MMP2: variants seen among roughly 807,000 people sequenced by gnomAD.
The protein encoded by MMP2 is 72 kDa type IV collagenase.
A neutral mutation model predicts 74.8 loss-of-function variants in MMP2; 39 were observed. The ratio of observed to expected loss-of-function variants is 0.52; its 90% CI spans 0.40 to 0.68. The LOEUF (loss-of-function observed/expected upper bound fraction) is 0.68, where lower values mean the gene tolerates loss of function less well. Among genes scored for constraint, MMP2 ranks in the 30% least tolerant of loss-of-function variants. The pLI, the probability that MMP2 is intolerant of heterozygous loss-of-function variation, is 0.00. For synonymous variants in MMP2, 367 were observed against 339.8 expected (o/e 1.08, Z -0.88); for missense variants, 803 against 878.3 (o/e 0.91, Z 1.08).
rs756023538 is a variant in MMP2 at position 55,484,099 on chromosome 16, C to A, written c.464C>A (p.Thr155Asn). 2 of 1,614,076 alleles carry A rather than the reference C, an allele frequency of 1.2e-6. No homozygotes were observed. Among genetic ancestry groups the A allele is most frequent in the Non-Finnish European group, 1.7e-6 (2 of 1,180,044 alleles). Residue 155 changes from threonine (T) to asparagine (N), a missense_variant, in exon 3 of 13, where the codon ACC (threonine) becomes AAC (asparagine). Thr to Asn is a moderately conservative substitution (Grantham distance 65). Around this residue, in one of 3 missense-constraint regions of MMP2, gnomAD observed 223 missense variants for 232.8 expected, o/e 0.96. Transcript: ENST00000219070. ...ARAFQVWSDV[T>N]PLRFSRIHDG... is the part of the protein sequence containing the mutation. ...GCCTTCCAAGTCTGGAGCGATGTGA[C>A]CCCACTGCGGTTTTCTCGAATCCAT... is the stretch of plus-strand genomic sequence containing the variant.
At chr16:55,501,889 T>C (rs1245446701) in intron 11 of MMP2, among the ~76,000 whole-genome samples, 4 of 152,086 alleles carry the variant, frequency 2.6e-5, no homozygotes, top group African/African-American at 7.2e-5. Context: ...ATAGCTCCCA[T>C]AGTGGGAGCT....
At chr16:55,502,724 G>C (rs928541898) in intron 11 of MMP2, 55 bp from the exon 12 acceptor site, 7 of 1,506,664 alleles carry the variant, frequency 4.6e-6, no homozygotes, top group South Asian at 4.5e-5. Context: ...CCAGGCCAGG[G>C]GGGAAGTGTC....
intron 1 of MMP2, among the ~76,000 whole-genome samples, chr16:55,482,672 AC>A (rs1962133832): frequency 6.6e-6 from 1 of 152,202 alleles, no homozygotes; most frequent in African/African-American, 2.4e-5. Context: ...TATAGTCAGC[AC>A]CCAGCACCAA....
chr16:55,480,475 C>G (rs1251559715), intron 1 of MMP2: 1 of 152,186 alleles, frequency 6.6e-6, no homozygotes, highest in Non-Finnish European at 1.5e-5. Flanking sequence ...GCGCTCCGCT[C>G]GGGTCGGAGA....
intron 8 of MMP2, 81 bp from the exon 9 acceptor site, chr16:55,493,076 TG>T: frequency 6.5e-7 from 1 of 1,549,422 alleles, no homozygotes; most frequent in Non-Finnish European, 8.9e-7. Flanking sequence ...CTTAGATGGT[TG>T]GGTGGGCACC....
chr16:55,491,817 C>A lies in MMP2; in HGVS notation c.1197C>A (p.Leu399=). The A allele has an allele frequency of 6.2e-7, 1 of 1,614,230 alleles. No individual in the cohort carries two copies. The highest frequency in any genetic ancestry group is 1.1e-5 in the South Asian group (1 of 91,092). ...AACCCTCAGGGTACAGCCTGTTCCT[C>A]GTGGCAGCCCACGAGTTTGGCCACG... ...FCPDQGYSLF[L]VAAHEFGHAM... is the part of the protein sequence containing the mutation. The change falls in exon 8 of 13, where the codon CTC becomes CTA. Residue 399 remains leucine, a synonymous_variant. Transcript: ENST00000219070.
chr16:55,491,998 G>A lies in MMP2; in HGVS notation c.1336+42G>A, dbSNP rs756950593. The A allele has an allele frequency of 2.1e-6, 3 of 1,402,040 alleles. No homozygotes were observed. The African/African-American group carries it at 4.3e-5, about 20-fold the overall frequency. 86.8% of individuals were successfully genotyped at this position (1,402,040 alleles called of 1,614,324 possible). A position where few individuals can be genotyped will look rare whatever the true frequency, so the allele number is the denominator to read the frequency against. On this transcript the variant is annotated intron_variant, in intron 8 of 12. Coordinates refer to ENST00000219070, the MANE Select transcript of MMP2 (RefSeq NM_004530.6). The stretch of plus-strand genomic sequence containing the variant: ...GGGTTGGGGGTGGAGGGTGAGGAGG[G>A]GGGAGGTCATGTAGCCTGGGATGGA...
chr16:55,497,092 C>T (rs1325839036), intron 10 of MMP2, 30 bp downstream of exon 10: 1 of 1,613,608 alleles, frequency 6.2e-7, no homozygotes, highest in Admixed American at 1.7e-5. Flanking sequence ...CCTTGGCCCT[C>T]AGCTCCACAG....
In MMP2 at chr16:55,479,216, C is replaced by T. The variant is rs1001858767; in HGVS notation, c.-264C>T. ...TGTTTCCGCTGCATCCAGACTTCCT[C>T]AGGCGGTGGCTGGAGGCTGCGCATC... On this transcript the variant is annotated 5_prime_UTR_variant, in exon 1 of 13. Coordinates refer to ENST00000219070, the MANE Select transcript of MMP2 (RefSeq NM_004530.6). The T allele has an allele frequency of 3.8e-6, 1 of 264,760 alleles. No individual in the cohort carries two copies. The highest frequency in any genetic ancestry group is 7.0e-6 in the Non-Finnish European group (1 of 142,416). The allele number at this position is 264,760 out of a possible 1,614,324, so 16.4% of individuals were successfully genotyped here.
At chr16:55,494,469 G>C (rs1962487182) in intron 9 of MMP2, among the ~76,000 whole-genome samples, 1 of 152,180 alleles carries the variant, frequency 6.6e-6, no homozygotes, top group Admixed American at 6.5e-5. Flanking sequence ...ACTTTGCTAG[G>C]CTTTAGTAGC....
intron 6 of MMP2, 36 bp from the exon 7 acceptor site, chr16:55,489,615 T>A: frequency 6.2e-7 from 1 of 1,612,398 alleles, no homozygotes; most frequent in Non-Finnish European, 8.5e-7. Flanking sequence ...CCTCAGACTC[T>A]TTGCTGCGCC....
chr16:55,490,496 G>A lies in MMP2; in HGVS notation c.1180+672G>A, dbSNP rs140420421. 9.2e-4 allele frequency among the ~76,000 whole-genome samples: 140 copies of A among 152,258 alleles called. 1 individual carries two copies. Among genetic ancestry groups the A allele is most frequent in the African/African-American group, 3.1e-3 (128 of 41,562 alleles). On this transcript the variant is annotated intron_variant, in intron 7 of 12. Coordinates refer to ENST00000219070, the MANE Select transcript of MMP2 (RefSeq NM_004530.6). Reference sequence around the variant, plus strand: ...GGAGAGAGTGACCAGGAGACAGCTTGTGACCTTACTATGTGCTCAGTGCAG... The same window carrying A: ...GGAGAGAGTGACCAGGAGACAGCTTATGACCTTACTATGTGCTCAGTGCAG...
At chr16:55,500,990 C>A (rs1326996981) in intron 11 of MMP2, among the ~76,000 whole-genome samples, 1 of 152,114 alleles carries the variant, frequency 6.6e-6, no homozygotes, top group African/African-American at 2.4e-5. Flanking sequence ...AGACGGGGGT[C>A]AAAAAATCAT....
chr16:55,503,863 A>G (rs973064497), intron 12 of MMP2, among the ~76,000 whole-genome samples: 4 of 152,164 alleles, frequency 2.6e-5, no homozygotes, highest in African/African-American at 9.7e-5. Context: ...GGGCAAGATT[A>G]GGGGCCTAGG....
chr16:55,504,532 G>T (rs950556365), intron 12 of MMP2, among the ~76,000 whole-genome samples: 1 of 152,094 alleles, frequency 6.6e-6, no homozygotes, highest in Non-Finnish European at 1.5e-5. Context: ...GAATAAAAGA[G>T]CTTATTTCAC....
At chr16:55,491,653 G>GA (rs143321576) in intron 7 of MMP2, 148 bp from the exon 8 acceptor site, 3,202 of 885,302 alleles carry the variant, frequency 3.6e-3, no homozygotes, top group East Asian at 5.9e-3. Flanking sequence ...CTCAGGAAAA[G>GA]AAAAAAAAAA....
At chr16:55,504,532 G>C (rs950556365) in intron 12 of MMP2, among the ~76,000 whole-genome samples, 1 of 152,094 alleles carries the variant, frequency 6.6e-6, no homozygotes, top group Non-Finnish European at 1.5e-5. Context: ...GAATAAAAGA[G>C]CTTATTTCAC....
chr16:55,505,567 T>C lies in MMP2; in HGVS notation c.*125T>C. 1.3e-6 allele frequency: 1 copy of C among 787,596 alleles called. No homozygotes were observed. 48.8% of individuals were successfully genotyped at this position (787,596 alleles called of 1,614,324 possible). A position where few individuals can be genotyped will look rare whatever the true frequency, so the allele number is the denominator to read the frequency against. On this transcript the variant is annotated 3_prime_UTR_variant, in exon 13 of 13. Coordinates refer to ENST00000219070, the MANE Select transcript of MMP2 (RefSeq NM_004530.6). ...TCAGCTCTACAGCTAATCAGCATTC[T>C]CACTCCTACCTGGTAATTTAAGATT... is the stretch of plus-strand genomic sequence containing the variant.
intron 8 of MMP2, among the ~76,000 whole-genome samples, chr16:55,492,845 C>T (rs1160957700): frequency 6.6e-6 from 1 of 152,156 alleles, no homozygotes; most frequent in African/African-American, 2.4e-5. Flanking sequence ...GGGTTTGAAT[C>T]CTTGGGCAAG....
Sources: gnomAD v4.1 joint callset for allele counts (sites outside exome capture counted in the v4.1 genomes callset) on GRCh38, gnomAD v4.1.1 for gene constraint, gnomAD v4.1.1 regional missense constraint, MANE v1.5 for transcripts, NCBI Gene and HGNC (gene_info 2026-07-23, HGNC 2026-07-21) for gene names.